The following PCDH15 variants were observed in gnomAD, a reference collection of about 807,000 sequenced individuals.
The protein encoded by PCDH15 is protocadherin-15.
Under a neutral mutation model 178.5 loss-of-function variants are expected in PCDH15, and 129 were observed. The observed-to-expected ratio is 0.72, with a 90% CI of 0.63 to 0.84. The LOEUF is 0.84. PCDH15 is among the 40% of genes least tolerant of loss of function. The pLI, the probability that PCDH15 is intolerant of heterozygous loss-of-function variation, is 0.00. For missense variants in PCDH15, 2,230 were observed against 2,099.9 expected (o/e 1.06, Z -1.21); for synonymous variants, 800 against 732.0 (o/e 1.09, Z -1.50).
At position 55,408,342 on chromosome 10, in the gene PCDH15, C is replaced by T. The variant is rs568910281; in HGVS notation, c.-156+219283G>A. Among the ~76,000 whole-genome samples, 11 of 152,002 alleles carry T rather than the reference C, an allele frequency of 7.2e-5. No homozygotes were observed. The Middle Eastern group carries it at 0.01, about 141-fold the overall frequency. On this transcript the variant is annotated intron_variant, in intron 2 of 5. Transcript: ENST00000613346. ...CTGAGACTACAGGCACCTGCCACCA[C>T]GCCCTACTATTTTTTGTATTGTTAG...
chr10:53,865,494 G>A (rs927674403), intron 27 of PCDH15, among the ~76,000 whole-genome samples: 1 of 152,080 alleles, frequency 6.6e-6, no homozygotes, highest in Non-Finnish European at 1.5e-5. Flanking sequence ...GTAATGGCAA[G>A]GTAAGCCAAG....
At chr10:55,248,567 G>A (rs898153225) in intron 1 of PCDH15, among the ~76,000 whole-genome samples, 24 of 152,046 alleles carry the variant, frequency 1.6e-4, no homozygotes, top group Non-Finnish European at 7.4e-5. Context: ...ATTTAGTATT[G>A]TAAAAATGTC....
At chr10:54,488,949 C>T (rs921938382) in intron 3 of PCDH15, among the ~76,000 whole-genome samples, 40 of 151,812 alleles carry the variant, frequency 2.6e-4, no homozygotes, top group Non-Finnish European at 4.0e-4. Context: ...ATATTAACAG[C>T]GCAAAATTAG....
chr10:54,764,181 A>G (rs1948236761), intron 1 of PCDH15, among the ~76,000 whole-genome samples: 1 of 152,100 alleles, frequency 6.6e-6, no homozygotes, highest in Non-Finnish European at 1.5e-5. Flanking sequence ...TTCCAGGCAC[A>G]AACTGATCAA....
chr10:54,540,929 GCA>G (rs1376147858), intron 2 of PCDH15, among the ~76,000 whole-genome samples: 2 of 152,114 alleles, frequency 1.3e-5, no homozygotes, highest in African/African-American at 4.8e-5. Flanking sequence ...CCCAGTAGAT[GCA>G]GAAAAAGCTT....
At chr10:53,917,429 A>T (rs999148362) in intron 25 of PCDH15, among the ~76,000 whole-genome samples, 6 of 152,190 alleles carry the variant, frequency 3.9e-5, no homozygotes, top group African/African-American at 1.4e-4. Context: ...TTGTTTAAAT[A>T]AAAAAAGATG....
chr10:54,893,430 A>T (rs1954497575), intron 3 of PCDH15, among the ~76,000 whole-genome samples: 1 of 152,098 alleles, frequency 6.6e-6, no homozygotes, highest in Admixed American at 6.6e-5. Context: ...TAATCTGTAA[A>T]TTATTTGTGT....
At chr10:54,159,308 A>G (rs1273065507) in intron 13 of PCDH15, among the ~76,000 whole-genome samples, 1 of 152,200 alleles carries the variant, frequency 6.6e-6, no homozygotes, top group East Asian at 1.9e-4. Context: ...CTACTGTAAA[A>G]GAGTGTTTTT....
chr10:54,932,227 G>A (rs143402664), intron 2 of PCDH15, among the ~76,000 whole-genome samples: 35 of 152,266 alleles, frequency 2.3e-4, no homozygotes, highest in African/African-American at 6.5e-4. Context: ...AGCGCTTCAC[G>A]CATGTCACTG....
At chr10:54,558,594 G>A (rs1398377398) in intron 2 of PCDH15, among the ~76,000 whole-genome samples, 4 of 152,020 alleles carry the variant, frequency 2.6e-5, no homozygotes, top group Non-Finnish European at 5.9e-5. Context: ...TTGTCAAGGT[G>A]ATGTTTACTC....
intron 2 of PCDH15, among the ~76,000 whole-genome samples, chr10:55,378,085 C>T (rs1314338464): frequency 5.9e-5 from 9 of 152,054 alleles, no homozygotes. Flanking sequence ...GGAGGGATAG[C>T]ATTAGGAGAA....
At chr10:54,249,023 G>T (rs919371536) in intron 8 of PCDH15, among the ~76,000 whole-genome samples, 7 of 151,738 alleles carry the variant, frequency 4.6e-5, no homozygotes, top group South Asian at 2.1e-4. Flanking sequence ...ATTAAAAAAT[G>T]ATCCTAGAGT....
intron 2 of PCDH15, among the ~76,000 whole-genome samples, chr10:55,114,107 C>T (rs1837574683): frequency 6.6e-6 from 1 of 152,056 alleles, no homozygotes. Flanking sequence ...CGCCACCACG[C>T]CCGGCTAATT....
intron 7 of PCDH15, among the ~76,000 whole-genome samples, chr10:54,326,374 C>T (rs1938096231): frequency 6.6e-6 from 1 of 152,088 alleles, no homozygotes; most frequent in Admixed American, 6.6e-5. Flanking sequence ...TGTACAAATA[C>T]ACATACACAT....
chr10:55,072,865 C>A lies in PCDH15; in HGVS notation c.-80+93711G>T, dbSNP rs540451157. ...AAATCCTCAATAAAATACTGGCAAACCGAATCCAGCAGCACATCAAAAAGC... is the reference window on the plus strand; with the variant it reads ...AAATCCTCAATAAAATACTGGCAAAACGAATCCAGCAGCACATCAAAAAGC... On this transcript the variant is annotated intron_variant, in intron 2 of 5. Coordinates refer to the PCDH15 transcript ENST00000458638. Among the ~76,000 whole-genome samples, 813 of 150,928 alleles carry A rather than the reference C, an allele frequency of 5.4e-3. 3 individuals carry two copies. Among genetic ancestry groups the A allele is most frequent in the East Asian group, 0.035 (176 of 5,062 alleles).
Position 54,393,002 on chromosome 10 carries a change from T to C in PCDH15, c.158-14060A>G, listed in dbSNP as rs183377527. On this transcript the variant is annotated intron_variant, in intron 3 of 37. Transcript: ENST00000644397. ...ACATCATAACTTTTAATCACTGATA[T>C]GTGATTAAAATTTTAAAGTTTTGAT... Among the ~76,000 whole-genome samples, 12 of 152,164 alleles carry C rather than the reference T, an allele frequency of 7.9e-5. No homozygotes were observed. In the East Asian group the frequency reaches 2.3e-3, roughly 29 times the overall value.
intron 2 of PCDH15, among the ~76,000 whole-genome samples, chr10:55,072,523 A>C (rs1366742398): frequency 6.6e-6 from 1 of 152,268 alleles, no homozygotes; most frequent in African/African-American, 2.4e-5. Flanking sequence ...TCCTCGACAC[A>C]TACACCCTCC....
rs773782885 is a variant in PCDH15 at position 54,183,544 on chromosome 10, A to C, written c.1490T>G (p.Ile497Ser). The C allele has an allele frequency of 6.2e-7, 1 of 1,614,038 alleles. No homozygotes were observed. Among genetic ancestry groups the C allele is most frequent in the East Asian group, 2.2e-5 (1 of 44,844 alleles). ...GTTATCATTTGCATCCATCACTTGA[A>C]TATTGACGATGACTGGCTCACTTTC... ...VQESEPVIVN[I>S]QVMDANDNTP... The change falls in exon 13 of 38, where the codon ATT (isoleucine) becomes AGT (serine). Residue 497 changes from isoleucine to serine, a missense_variant. Coordinates refer to ENST00000644397, the MANE Select transcript of PCDH15 (RefSeq NM_001384140.1).
At chr10:54,826,357 GA>G (rs1564543734) in intron 3 of PCDH15, among the ~76,000 whole-genome samples, 1 of 151,790 alleles carries the variant, frequency 6.6e-6, no homozygotes, top group East Asian at 1.9e-4. Context: ...TCATATCAAA[GA>G]AAATTATGTT....
Sources: allele counts gnomAD v4.1 joint callset (sites outside exome capture counted in the v4.1 genomes callset), GRCh38; gene constraint gnomAD v4.1.1; transcripts MANE v1.5; gene names NCBI Gene and HGNC (gene_info 2026-07-23, HGNC 2026-07-21).